Variants in FN1 observed in about 807,000 individuals in gnomAD.
The protein encoded by FN1 is fibronectin.
Under a neutral mutation model 297.3 loss-of-function variants are expected in FN1, and 106 were observed. The ratio of observed to expected loss-of-function variants is 0.36; its 90% CI spans 0.30 to 0.42. FN1 has a LOEUF of 0.42. Ranked by LOEUF, FN1 falls within the 10% of genes least tolerant of loss-of-function variation. The probability of loss-of-function intolerance (pLI) is 1.00; values close to 1 mark genes in which losing one functional copy is unlikely to be tolerated. For synonymous variants in FN1, 1,149 were observed against 1,152.6 expected (o/e 1.00, Z 0.06); for missense variants, 2,690 against 3,124.9 (o/e 0.86, Z 3.32).
rs13306372 is a variant in FN1 at position 215,424,308 on chromosome 2, C to T, written c.1054G>A (p.Gly352Ser). The T allele has an allele frequency of 1.6e-5, 26 of 1,613,702 alleles. 1 individual carries two copies. The East Asian group carries it at 2.2e-4, about 14-fold the overall frequency. The stretch of plus-strand genomic sequence containing the variant: ...CATGGCTCTCCATTTGAGTTGCCAC[C>T]GTAAGTCTGGGTTACAGCTACAATC... ...CQETAVTQTYGGNSNGEPCVL... is the reference protein window; with the variant it reads ...CQETAVTQTYSGNSNGEPCVL... The change falls in exon 8 of 46, where the codon GGT (glycine) becomes AGT (serine). Residue 352 changes from glycine (G) to serine (S), a missense_variant. By Grantham distance (56) the Gly-to-Ser change is moderately conservative. Transcript: ENST00000354785.
At position 215,406,529 on chromosome 2, in the gene FN1, C is replaced by T; in HGVS notation, c.2714-19G>A. The T allele has an allele frequency of 6.2e-7, 1 of 1,612,670 alleles. No individual in the cohort carries two copies. Among genetic ancestry groups the T allele is most frequent in the Non-Finnish European group, 8.5e-7 (1 of 1,179,554 alleles). Reference sequence around the variant, plus strand: ...ACTGTATCTGACAGACAAGAGTCAACTGGTCATTCACATTCTCTGCTGAAG... The same window carrying T: ...ACTGTATCTGACAGACAAGAGTCAATTGGTCATTCACATTCTCTGCTGAAG... On this transcript the variant is annotated intron_variant, in intron 18 of 45. Transcript: ENST00000354785.
rs1349610998 is a variant in FN1, at chr2:215,380,712, C to G, written c.5434+99G>C. The G allele has an allele frequency of 4.4e-6, 6 of 1,353,750 alleles. No individual in the cohort carries two copies. The South Asian group carries it at 5.9e-5, about 13-fold the overall frequency. The allele number at this position is 1,353,750 out of a possible 1,614,324, so 83.9% of individuals were successfully genotyped here. ...ATCTTTCCTAATAATTCTTTTTCAC[C>G]CTTACACGGGAATCAATAGCCCAGT... On this transcript the variant is annotated intron_variant, in intron 33 of 45. Coordinates refer to ENST00000354785, the MANE Select transcript of FN1 (RefSeq NM_212482.4).
At position 215,399,421 on chromosome 2, in the gene FN1, A is replaced by C. The variant is rs2106170320; in HGVS notation, c.3254-70T>G. 1.9e-6 allele frequency: 2 copies of C among 1,045,152 alleles called. 1 individual carries two copies. The highest frequency in any genetic ancestry group is 2.5e-5 in the South Asian group (2 of 79,636). 64.7% of individuals were successfully genotyped at this position (1,045,152 alleles called of 1,614,324 possible). ...GATGATTGCATAGCATATAGATAAC[A>C]AGTATTTTTATGGAGAACCTCAGTT... On this transcript the variant is annotated intron_variant, in intron 20 of 45. Transcript: ENST00000354785.
chr2:215,422,868 T>G (rs2064665017), intron 9 of FN1, among the ~76,000 whole-genome samples: 1 of 152,112 alleles, frequency 6.6e-6, no homozygotes, highest in Non-Finnish European at 1.5e-5. Context: ...AAGAGTGAGA[T>G]TCCCTACCTG....
intron 28 of FN1, among the ~76,000 whole-genome samples, chr2:215,386,433 C>T (rs1386989058): frequency 6.6e-6 from 1 of 151,968 alleles, no homozygotes; most frequent in East Asian, 1.9e-4. Flanking sequence ...ATACCCAAAT[C>T]AGGTGAGAAA....
intron 20 of FN1, among the ~76,000 whole-genome samples, chr2:215,401,238 GAAA>G (rs1559475162): frequency 0.015 from 818 of 55,112 alleles, 29 homozygotes; most frequent in African/African-American, 0.041. Context: ...AAGAAAGAAA[GAAA>G]GAAAGAAAGG....
At chr2:215,370,514 C>T (rs2055691344) in intron 40 of FN1, 82 bp from the exon 41 acceptor site, 2 of 1,025,208 alleles carry the variant, frequency 2.0e-6, no homozygotes, top group East Asian at 5.1e-5. Context: ...CAATAACCCT[C>T]ACTGTTTAAA....
At position 215,386,974 on chromosome 2, in the gene FN1, G is replaced by C. The variant is rs35343655; in HGVS notation, c.4343-16C>G. On this transcript the variant is annotated splice_polypyrimidine_tract_variant and intron_variant, in intron 27 of 45. Transcript: ENST00000354785. ...GAATCAAGACCTGTTTTTCCCACCCGGGGGAGGAAGAGAAAAAAAAAAGAA... is the reference window on the plus strand; with the variant it reads ...GAATCAAGACCTGTTTTTCCCACCCCGGGGAGGAAGAGAAAAAAAAAAGAA... 58 of 1,603,104 alleles carry C rather than the reference G, an allele frequency of 3.6e-5. No individual in the cohort carries two copies. In the African/African-American group the frequency reaches 6.9e-4, roughly 19 times the overall value.
intron 6 of FN1, 90 bp from the exon 7 acceptor site, chr2:215,425,375 G>A: frequency 7.7e-7 from 1 of 1,297,166 alleles, no homozygotes. Flanking sequence ...ATCTCACAGA[G>A]ATCACTCTGA....
chr2:215,382,368 A>G (rs1165539405), intron 31 of FN1, 43 bp from the exon 32 acceptor site: 2 of 1,279,048 alleles, frequency 1.6e-6, no homozygotes, highest in Non-Finnish European at 2.3e-6. Flanking sequence ...CACGTCATCC[A>G]CTATAAAGTC....
At chr2:215,391,075 G>T (rs541606107) in intron 26 of FN1, among the ~76,000 whole-genome samples, 1 of 152,012 alleles carries the variant, frequency 6.6e-6, no homozygotes, top group South Asian at 2.1e-4. Flanking sequence ...TTTAATGTCA[G>T]TTTTTTTTCT....
intron 12 of FN1, among the ~76,000 whole-genome samples, chr2:215,416,703 T>A (rs1192931237): frequency 1.3e-5 from 2 of 152,214 alleles, no homozygotes; most frequent in Non-Finnish European, 2.9e-5. Flanking sequence ...AAATGTCTAT[T>A]AAGTTTTGAA....
At chr2:215,380,776 C>T in intron 33 of FN1, 35 bp downstream of exon 33, 1 of 1,611,564 alleles carries the variant, frequency 6.2e-7, no homozygotes, top group Non-Finnish European at 8.5e-7. Context: ...AGCCGCTGCT[C>T]CCATGGGCAC....
At chr2:215,397,274 C>G in intron 22 of FN1, 51 bp from the exon 23 acceptor site, 1 of 1,307,258 alleles carries the variant, frequency 7.6e-7, no homozygotes, top group Non-Finnish European at 1.1e-6. Context: ...AGCTCTTGAC[C>G]TGTGTAATCT....
intron 20 of FN1, among the ~76,000 whole-genome samples, chr2:215,403,167 G>A (rs1489489470): frequency 2.6e-5 from 4 of 152,120 alleles, no homozygotes; most frequent in South Asian, 4.2e-4. Context: ...TCTTAGAACC[G>A]TGTAAAATTT....
At chr2:215,375,187 A>G (rs765863231) in intron 38 of FN1, 27 bp downstream of exon 38, 1 of 1,611,714 alleles carries the variant, frequency 6.2e-7, no homozygotes, top group Non-Finnish European at 8.5e-7. Flanking sequence ...AGTAAGAAGG[A>G]AAATGACAGC....
At position 215,408,142 on chromosome 2, in the gene FN1, A is replaced by G. The variant is rs929614957; in HGVS notation, c.2484T>C (p.Val828=). Residue 828 remains valine (V), a synonymous_variant, in exon 17 of 46, where the codon GTT becomes GTC. Coordinates refer to ENST00000354785, the MANE Select transcript of FN1 (RefSeq NM_212482.4). ...TVDQVDDTSI[V]VRWSRPQAPI... ...GAGCCTGGGGTCTGCTCCAGCGAACAACAATTGAGGTGTCATCAACTTGGT... is the reference window on the plus strand; with the variant it reads ...GAGCCTGGGGTCTGCTCCAGCGAACGACAATTGAGGTGTCATCAACTTGGT... 18 of 1,614,164 alleles carry G rather than the reference A, an allele frequency of 1.1e-5. No homozygotes were observed. The highest frequency in any genetic ancestry group is 1.2e-5 in the Non-Finnish European group (14 of 1,180,032).
At chr2:215,411,015 T>C (rs886256775) in intron 13 of FN1, among the ~76,000 whole-genome samples, 4 of 152,216 alleles carry the variant, frequency 2.6e-5, no homozygotes, top group African/African-American at 9.6e-5. Flanking sequence ...AGGCAGAATG[T>C]TGCTTTGTGA....
At chr2:215,385,699 C>CT (rs947377438) in intron 28 of FN1, among the ~76,000 whole-genome samples, 5 of 151,880 alleles carry the variant, frequency 3.3e-5, no homozygotes, top group African/African-American at 1.2e-4. Context: ...ACTTCAGCCT[C>CT]TATCTGCTAA....
Sources: gnomAD v4.1 joint callset for allele counts (sites outside exome capture counted in the v4.1 genomes callset) on GRCh38, gnomAD v4.1.1 for gene constraint, MANE v1.5 for transcripts, NCBI Gene and HGNC (gene_info 2026-07-23, HGNC 2026-07-21) for gene names.